TENM2: variants seen among roughly 807,000 people sequenced by gnomAD.
TENM2 encodes the protein teneurin-2.
Under a neutral mutation model 245.2 loss-of-function variants are expected in TENM2, and 52 were observed. The observed-to-expected ratio is 0.21, with a 90% CI of 0.17 to 0.27. TENM2 has a LOEUF of 0.27. Ranked by LOEUF, TENM2 falls within the 10% of genes least tolerant of loss-of-function variation. The pLI is 1.00. For synonymous variants in TENM2, 1,363 were observed against 1,438.9 expected, an observed-to-expected ratio of 0.95 and a Z score of 1.19; for missense variants, 3,046 against 3,666.8, an observed-to-expected ratio of 0.83 and a Z score of 4.37.
chr5:167,873,886 A>G (rs899221565), intron 2 of TENM2, among the ~76,000 whole-genome samples: 28 of 152,136 alleles, frequency 1.8e-4, no homozygotes, highest in Non-Finnish European at 1.5e-4. Context: ...AATTTCAGGA[A>G]TGATTTGTCT....
chr5:167,104,498 A>C, the TENM2 span, among the ~76,000 whole-genome samples: 1 of 152,228 alleles, frequency 6.6e-6, no homozygotes, highest in Non-Finnish European at 1.5e-5. Flanking sequence ...ACCAACATTA[A>C]ACAGATATAC....
the TENM2 span, among the ~76,000 whole-genome samples, chr5:167,147,885 C>T: frequency 2.0e-5 from 3 of 152,096 alleles, no homozygotes; most frequent in Admixed American, 2.0e-4. Flanking sequence ...GTAGGTATAG[C>T]CAAGCCTCCT....
At chr5:168,199,155 C>A in intron 16 of TENM2, 41 bp downstream of exon 18, 1 of 1,582,742 alleles carries the variant, frequency 6.3e-7, no homozygotes, top group South Asian at 1.1e-5. Context: ...CAGGACTTCC[C>A]TAACGAAAAC....
At chr5:167,511,947 A>G (rs1215017632) in intron 2 of TENM2, among the ~76,000 whole-genome samples, 1 of 152,194 alleles carries the variant, frequency 6.6e-6, no homozygotes, top group African/African-American at 2.4e-5. Flanking sequence ...GCAGTCTTAG[A>G]AAGTCATTGT....
At chr5:167,996,718 T>TG (rs747169854) in intron 5 of TENM2, among the ~76,000 whole-genome samples, 1,842 of 138,116 alleles carry the variant, frequency 0.013, 10 homozygotes, top group Admixed American at 0.019. Context: ...TTTGAATCAC[T>TG]TTTTGTTTGT....
At chr5:168,237,206 C>T (rs1227480432) in intron 25 of TENM2, among the ~76,000 whole-genome samples, 4 of 148,114 alleles carry the variant, frequency 2.7e-5, no homozygotes, top group Admixed American at 6.8e-5. Flanking sequence ...TAAGTAAAGA[C>T]GGGGTTTCAT....
chr5:167,753,547 A>G (rs1762095919), intron 2 of TENM2, among the ~76,000 whole-genome samples: 2 of 152,204 alleles, frequency 1.3e-5, no homozygotes, highest in South Asian at 4.1e-4. Flanking sequence ...TTTTACATGT[A>G]TTAATGCAAT....
intron 2 of TENM2, among the ~76,000 whole-genome samples, chr5:167,856,920 T>C (rs1235977101): frequency 6.6e-6 from 1 of 152,236 alleles, no homozygotes; most frequent in African/African-American, 2.4e-5. Context: ...GAAAGCTCTT[T>C]ACATGTTTAT....
At chr5:167,304,289 T>C (rs1755534840) in intron 1 of TENM2, among the ~76,000 whole-genome samples, 1 of 152,214 alleles carries the variant, frequency 6.6e-6, no homozygotes, top group South Asian at 2.1e-4. Flanking sequence ...TGGCTAACTG[T>C]ATAACTCTTC....
chr5:167,537,455 T>C (rs896409063), intron 2 of TENM2, among the ~76,000 whole-genome samples: 7 of 152,234 alleles, frequency 4.6e-5, no homozygotes, highest in African/African-American at 1.7e-4. Flanking sequence ...TTTCAAATTA[T>C]TGTGTAAACT....
chr5:167,610,720 A>C (rs6893866), intron 2 of TENM2, among the ~76,000 whole-genome samples: 102,159 of 152,040 alleles, frequency 0.67, 34,468 homozygotes, highest in Middle Eastern at 0.76. Context: ...TTGTTTTATT[A>C]CAGAAGTCTT....
At chr5:167,493,758 T>C (rs980475688) in intron 2 of TENM2, among the ~76,000 whole-genome samples, 1 of 152,086 alleles carries the variant, frequency 6.6e-6, no homozygotes, top group African/African-American at 2.4e-5. Flanking sequence ...GGTCCACTCA[T>C]TTATTCGGCA....
the TENM2 span, among the ~76,000 whole-genome samples, chr5:167,243,596 G>A: frequency 6.6e-6 from 1 of 152,130 alleles, no homozygotes; most frequent in Non-Finnish European, 1.5e-5. Flanking sequence ...TGCATTGCTA[G>A]TTTCACTTAG....
chr5:168,193,852 T>C (rs935184979), intron 14 of TENM2, among the ~76,000 whole-genome samples: 3 of 152,220 alleles, frequency 2.0e-5, no homozygotes, highest in Admixed American at 1.3e-4. Context: ...AAATTAGTTT[T>C]CCACTTTAAA....
chr5:167,483,972 AGTT>A (rs1383127222), intron 2 of TENM2, among the ~76,000 whole-genome samples: 3 of 152,160 alleles, frequency 2.0e-5, no homozygotes, highest in African/African-American at 2.4e-5. Flanking sequence ...TACATACTTA[AGTT>A]GTTGTATGGG....
intron 2 of TENM2, among the ~76,000 whole-genome samples, chr5:167,738,912 C>T (rs916691970): frequency 2.6e-4 from 39 of 152,186 alleles, no homozygotes; most frequent in African/African-American, 8.4e-4. Context: ...CCTATCTCCA[C>T]ATATAGTCCC....
intron 2 of TENM2, among the ~76,000 whole-genome samples, chr5:167,382,321 G>A (rs1348054631): frequency 6.6e-6 from 1 of 152,144 alleles, no homozygotes; most frequent in Non-Finnish European, 1.5e-5. Context: ...ACAATAAAGC[G>A]AAGGCTAGAA....
intron 5 of TENM2, among the ~76,000 whole-genome samples, chr5:168,018,533 G>T (rs981744492): frequency 2.6e-5 from 4 of 151,884 alleles, no homozygotes; most frequent in African/African-American, 9.7e-5. Flanking sequence ...ATATTGACTT[G>T]TCGACCACCT....
chr5:167,826,069 C>A (rs1337522020), intron 2 of TENM2, among the ~76,000 whole-genome samples: 1 of 151,986 alleles, frequency 6.6e-6, no homozygotes, highest in Non-Finnish European at 1.5e-5. Context: ...TAGAATTTGG[C>A]CTCTTACCCC....
Sources: allele counts gnomAD v4.1 joint callset (sites outside exome capture counted in the v4.1 genomes callset), GRCh38; gene constraint gnomAD v4.1.1; transcripts MANE v1.5; gene names NCBI Gene and HGNC (gene_info 2026-07-23, HGNC 2026-07-21).